Variants in NEK6 observed in about 807,000 individuals in gnomAD.
The protein encoded by NEK6 is serine/threonine-protein kinase Nek6.
A neutral mutation model predicts 43.5 loss-of-function variants in NEK6; 27 were observed. The ratio of observed to expected loss-of-function variants is 0.62; its 90% CI spans 0.46 to 0.86. NEK6 has a LOEUF of 0.86. Among genes scored for constraint, NEK6 ranks in the 40% least tolerant of loss-of-function variants. The pLI is 0.00. For missense variants in NEK6, 318 were observed against 414.4 expected, an observed-to-expected ratio of 0.77 and a Z score of 2.02; for synonymous variants, 167 against 164.1, an observed-to-expected ratio of 1.02 and a Z score of -0.14.
chr9:124,277,169 G>A (rs1358329756), intron 1 of NEK6, among the ~76,000 whole-genome samples: 1 of 152,226 alleles, frequency 6.6e-6, no homozygotes, highest in African/African-American at 2.4e-5. Flanking sequence ...GCTGGGCCGG[G>A]TGTGGTGGCT....
At chr9:124,317,419 G>T (rs1191220921) in intron 4 of NEK6, among the ~76,000 whole-genome samples, 1 of 152,132 alleles carries the variant, frequency 6.6e-6, no homozygotes, top group Non-Finnish European at 1.5e-5. Context: ...CACCATGTTG[G>T]CCAGGCTGGT....
At chr9:124,264,839 AG>A (rs1168487640) in intron 1 of NEK6, among the ~76,000 whole-genome samples, 2 of 145,824 alleles carry the variant, frequency 1.4e-5, no homozygotes, top group Non-Finnish European at 3.0e-5. Flanking sequence ...AAAAAAAAAA[AG>A]AGTTCTGCAA....
Position 124,289,177 on chromosome 9 carries a change from CCCCCCCCCGCCACA to C in NEK6, c.-29-12757_-29-12744del, listed in dbSNP as rs1182928760. On this transcript the variant is annotated intron_variant, in intron 1 of 9. Coordinates refer to ENST00000320246, the MANE Select transcript of NEK6 (RefSeq NM_014397.6). ...AGACTTTGATTGGACACCCCCCCCG[CCCCCCCCCGCCACA>C]CACACACACACACACACACACACAC... Among the ~76,000 whole-genome samples, 97 of 39,930 alleles carry C rather than the reference CCCCCCCCCGCCACA, an allele frequency of 2.4e-3. 1 individual carries two copies. The highest frequency in any genetic ancestry group is 7.1e-3 in the African/African-American group (50 of 7,034). The allele number at this position is 39,930 out of a possible 152,430, so 26.2% of individuals were successfully genotyped here.
chr9:124,297,162 T>C (rs958864918), intron 1 of NEK6, among the ~76,000 whole-genome samples: 3 of 152,194 alleles, frequency 2.0e-5, no homozygotes, highest in Admixed American at 1.3e-4. Flanking sequence ...AGCTGTGTCA[T>C]TTACCAGCTG....
At chr9:124,306,382 T>C (rs1833255716) in intron 2 of NEK6, among the ~76,000 whole-genome samples, 1 of 152,172 alleles carries the variant, frequency 6.6e-6, no homozygotes, top group Non-Finnish European at 1.5e-5. Context: ...TTTTGGGTTT[T>C]GTTATTAGGA....
rs117942980 is a variant in NEK6, at chr9:124,338,814, A to G, written c.623-757A>G. 3.6e-4 allele frequency among the ~76,000 whole-genome samples: 55 copies of G among 152,326 alleles called. 1 individual carries two copies. In the East Asian group the frequency reaches 5.6e-3, roughly 15 times the overall value. ...CCTCATAGCACTGTTGGGAACAGAA[A>G]TGAGCTGACACATGGAAGATCTTGG... On this transcript the variant is annotated intron_variant, in intron 7 of 9. Coordinates refer to ENST00000320246, the MANE Select transcript of NEK6 (RefSeq NM_014397.6).
chr9:124,341,569 GCT>G (rs1261420494), intron 8 of NEK6, among the ~76,000 whole-genome samples: 2 of 152,334 alleles, frequency 1.3e-5, no homozygotes, highest in Middle Eastern at 3.4e-3. Flanking sequence ...TGCAGGAGGA[GCT>G]CTTTGAATGA....
At chr9:124,301,787 C>T in intron 1 of NEK6, 149 bp from the exon 2 acceptor site, 1 of 684,270 alleles carries the variant, frequency 1.5e-6, no homozygotes, top group East Asian at 2.7e-5. Flanking sequence ...AGTTGTAGCC[C>T]TGCCACTTCG....
chr9:124,301,850 C>T lies in NEK6; in HGVS notation c.-29-86C>T, dbSNP rs1588481805. ...GAACGGCTTTGCACCTCAGCTCACG[C>T]ATCTGTAAAATGGGGTGAGCGAAAG... is the stretch of plus-strand genomic sequence containing the variant. On this transcript the variant is annotated intron_variant, in intron 1 of 9. Coordinates refer to ENST00000320246, the MANE Select transcript of NEK6 (RefSeq NM_014397.6). 18 of 1,085,342 alleles carry T rather than the reference C, an allele frequency of 1.7e-5. 1 individual carries two copies. In the East Asian group the frequency reaches 4.4e-4, roughly 26 times the overall value. 67.2% of individuals were successfully genotyped at this position (1,085,342 alleles called of 1,614,324 possible).
intron 1 of NEK6, among the ~76,000 whole-genome samples, chr9:124,271,283 C>G (rs1831425279): frequency 6.6e-6 from 1 of 152,270 alleles, no homozygotes; most frequent in Admixed American, 6.5e-5. Flanking sequence ...AACCTTCTCA[C>G]TCAGGAACAA....
chr9:124,274,274 G>C (rs1490860913), intron 1 of NEK6, among the ~76,000 whole-genome samples: 3 of 152,268 alleles, frequency 2.0e-5, no homozygotes, highest in Admixed American at 2.0e-4. Flanking sequence ...GATGGCCCCA[G>C]TGGCAGATGT....
At chr9:124,320,145 C>A (rs1258320130) in intron 4 of NEK6, among the ~76,000 whole-genome samples, 1 of 152,230 alleles carries the variant, frequency 6.6e-6, no homozygotes, top group Non-Finnish European at 1.5e-5. Context: ...GGCTGAGGGG[C>A]AGGCAGGGGC....
intron 1 of NEK6, among the ~76,000 whole-genome samples, chr9:124,286,222 TGTTA>T (rs1278340496): frequency 2.0e-5 from 3 of 152,230 alleles, no homozygotes; most frequent in Non-Finnish European, 2.9e-5. Flanking sequence ...TCTATTCAGC[TGTTA>T]GTTCTTTTTT....
intron 7 of NEK6, among the ~76,000 whole-genome samples, chr9:124,334,835 A>G (rs1164496493): frequency 6.6e-6 from 1 of 152,198 alleles, no homozygotes; most frequent in Non-Finnish European, 1.5e-5. Context: ...GGTCCTGGCC[A>G]AGGCAGCGCC....
At chr9:124,308,669 A>C (rs563015474) in intron 2 of NEK6, among the ~76,000 whole-genome samples, 12 of 152,244 alleles carry the variant, frequency 7.9e-5, no homozygotes, top group East Asian at 5.8e-4. Flanking sequence ...AAAAAAAAAA[A>C]AAAAAACCAG....
chr9:124,308,529 C>G (rs1274654225), intron 2 of NEK6, among the ~76,000 whole-genome samples: 1 of 152,068 alleles, frequency 6.6e-6, no homozygotes, highest in African/African-American at 2.4e-5. Context: ...TGGCGGGCAC[C>G]TGCTACTCCC....
intron 9 of NEK6, among the ~76,000 whole-genome samples, chr9:124,350,364 C>T (rs986288615): frequency 1.3e-5 from 2 of 149,978 alleles, no homozygotes; most frequent in Non-Finnish European, 3.0e-5. Context: ...TTAAAAGCTC[C>T]GTCTTTCATG....
chr9:124,327,304 A>G (rs771846184), intron 6 of NEK6, 34 bp from the exon 7 acceptor site: 1 of 1,583,656 alleles, frequency 6.3e-7, no homozygotes, highest in South Asian at 1.1e-5. Context: ...CAAGCCTCCT[A>G]CCCCACACCA....
chr9:124,278,857 C>T (rs945206697), intron 1 of NEK6, among the ~76,000 whole-genome samples: 6 of 152,170 alleles, frequency 3.9e-5, no homozygotes, highest in African/African-American at 4.8e-5. Context: ...CTAGAGCACC[C>T]GTCCCAGCCC....
Sources: gnomAD v4.1 joint callset for allele counts (sites outside exome capture counted in the v4.1 genomes callset) on GRCh38, gnomAD v4.1.1 for gene constraint, MANE v1.5 for transcripts, NCBI Gene and HGNC (gene_info 2026-07-23, HGNC 2026-07-21) for gene names.